The following PTPRG variants were observed in gnomAD, a reference collection of about 807,000 sequenced individuals.
The protein encoded by PTPRG is protein tyrosine phosphatase receptor type G, also known as receptor-type tyrosine-protein phosphatase gamma.
Under a neutral mutation model 165.3 loss-of-function variants are expected in PTPRG, and 102 were observed. The observed-to-expected ratio is 0.62, with a 90% CI of 0.53 to 0.73. PTPRG has a LOEUF of 0.73. Ranked by LOEUF, PTPRG falls within the 30% of genes least tolerant of loss-of-function variation. PTPRG has a pLI of 0.00. For synonymous variants in PTPRG, 675 were observed against 669.5 expected, an observed-to-expected ratio of 1.01 and a Z score of -0.13; for missense variants, 1,866 against 1,861.4, an observed-to-expected ratio of 1.00 and a Z score of -0.05.
At chr3:62,149,210 A>G (rs1559568342) in intron 6 of PTPRG, among the ~76,000 whole-genome samples, 2 of 150,906 alleles carry the variant, frequency 1.3e-5, no homozygotes, top group Non-Finnish European at 2.9e-5. Flanking sequence ...GAGAGCAAGT[A>G]TTTTTGTTTG....
At chr3:61,860,768 A>G (rs1263572123) in intron 2 of PTPRG, among the ~76,000 whole-genome samples, 4 of 152,132 alleles carry the variant, frequency 2.6e-5, no homozygotes, top group Non-Finnish European at 5.9e-5. Flanking sequence ...AAAGCTTTTC[A>G]GGTAACTGTT....
chr3:61,972,568 G>A (rs1363955001), intron 2 of PTPRG, among the ~76,000 whole-genome samples: 2 of 151,936 alleles, frequency 1.3e-5, no homozygotes, highest in African/African-American at 2.4e-5. Flanking sequence ...GGGACCCTGA[G>A]TGTTAGTAGT....
chr3:61,997,405 C>G (rs576148030), intron 3 of PTPRG, among the ~76,000 whole-genome samples: 4 of 152,330 alleles, frequency 2.6e-5, no homozygotes, highest in Admixed American at 2.6e-4. Flanking sequence ...CTGTCCGTGC[C>G]TCATGCTCTG....
chr3:61,882,732 C>T lies in PTPRG; in HGVS notation c.191-106893C>T, dbSNP rs114906759. Among the ~76,000 whole-genome samples the T allele has an allele frequency of 8.5e-3, 1,296 of 152,250 alleles. 16 individuals are homozygous for T. The highest frequency in any genetic ancestry group is 0.029 in the African/African-American group (1,205 of 41,550). Reference sequence around the variant, plus strand: ...TGCTTGTTCACCTGTCTGTCTTTCCCATTGGATTGAGTAGTCCAGAGTACA... The same window carrying T: ...TGCTTGTTCACCTGTCTGTCTTTCCTATTGGATTGAGTAGTCCAGAGTACA... On this transcript the variant is annotated intron_variant, in intron 2 of 29. Transcript: ENST00000474889.
chr3:61,966,283 G>A (rs1313674127), intron 2 of PTPRG, among the ~76,000 whole-genome samples: 1 of 152,208 alleles, frequency 6.6e-6, no homozygotes, highest in Non-Finnish European at 1.5e-5. Flanking sequence ...TGTGTGCACA[G>A]CAGGCAACAC....
chr3:62,231,341 C>T (rs375380130), intron 14 of PTPRG, 30 bp downstream of exon 14: 17 of 1,504,848 alleles, frequency 1.1e-5, no homozygotes, highest in African/African-American at 5.7e-5. Flanking sequence ...AAGTGGGGGG[C>T]GTCTTGATGG....
intron 1 of PTPRG, among the ~76,000 whole-genome samples, chr3:61,597,576 C>T (rs1265428612): frequency 6.6e-6 from 1 of 152,166 alleles, no homozygotes; most frequent in African/African-American, 2.4e-5. Context: ...GTTAAAGGGT[C>T]TGATTTAATC....
At chr3:62,060,012 T>G (rs994493860) in intron 4 of PTPRG, among the ~76,000 whole-genome samples, 2 of 152,018 alleles carry the variant, frequency 1.3e-5, no homozygotes, top group African/African-American at 4.8e-5. Flanking sequence ...GGATATGTCT[T>G]TATTAGCAGC....
chr3:62,018,322 CT>C, intron 4 of PTPRG, among the ~76,000 whole-genome samples: 1 of 152,326 alleles, frequency 6.6e-6, no homozygotes, highest in Admixed American at 6.5e-5. Context: ...AGCTGACAGT[CT>C]GCTTTTCCAC....
intron 2 of PTPRG, among the ~76,000 whole-genome samples, chr3:61,911,381 A>G (rs572775675): frequency 2.0e-5 from 3 of 152,180 alleles, no homozygotes; most frequent in Non-Finnish European, 2.9e-5. Context: ...TTAAATGCTA[A>G]TTCCATCACT....
chr3:61,618,975 CAAAA>C (rs57427703), intron 1 of PTPRG, among the ~76,000 whole-genome samples: 2,237 of 73,022 alleles, frequency 0.031, 70 homozygotes, highest in African/African-American at 0.086. Context: ...GATCCTGTCT[CAAAA>C]AAAAAAAAAA....
rs149003961 is a variant in PTPRG, at chr3:61,581,010, C to T, written c.85+18638C>T. 2.6e-5 allele frequency among the ~76,000 whole-genome samples: 4 copies of T among 152,286 alleles called. No individual in the cohort carries two copies. In the East Asian group the frequency reaches 5.8e-4, roughly 22 times the overall value. ...TTAGTCCTAGAGCATAGCAGACATGCCTTCTTGCTTTCTGACTTTTCAAAG... is the reference window on the plus strand; with the variant it reads ...TTAGTCCTAGAGCATAGCAGACATGTCTTCTTGCTTTCTGACTTTTCAAAG... On this transcript the variant is annotated intron_variant, in intron 1 of 29. Transcript: ENST00000474889.
intron 2 of PTPRG, among the ~76,000 whole-genome samples, chr3:61,840,419 G>T (rs910691555): frequency 6.6e-6 from 1 of 152,118 alleles, no homozygotes. Flanking sequence ...TATGATTTGG[G>T]CAAATGCATC....
intron 3 of PTPRG, among the ~76,000 whole-genome samples, chr3:61,992,839 G>C (rs1341901122): frequency 6.6e-6 from 1 of 151,860 alleles, no homozygotes; most frequent in East Asian, 1.9e-4. Flanking sequence ...GCTAATTTTT[G>C]TATTTTTAGT....
intron 1 of PTPRG, among the ~76,000 whole-genome samples, chr3:61,744,829 AGG>A (rs947284377): frequency 5.6e-4 from 16 of 28,806 alleles, no homozygotes; most frequent in Non-Finnish European, 1.9e-3. Context: ...TTGGTTACTC[AGG>A]GCCATTTTCT....
Position 62,059,911 on chromosome 3 carries a change from C to A in PTPRG, c.520-18252C>A, listed in dbSNP as rs554952658. On this transcript the variant is annotated intron_variant, in intron 4 of 29. Transcript: ENST00000474889. Reference sequence around the variant, plus strand: ...TGAAGAAGGACGTGTTTGCTTCCCCCTCCACCATGATTGTAAGTTTCCTGA... The same window carrying A: ...TGAAGAAGGACGTGTTTGCTTCCCCATCCACCATGATTGTAAGTTTCCTGA... Among the ~76,000 whole-genome samples the A allele has an allele frequency of 2.0e-5, 3 of 152,284 alleles. No individual in the cohort carries two copies. In the South Asian group the frequency reaches 6.2e-4, roughly 32 times the overall value.
chr3:61,591,169 G>A (rs979774117), intron 1 of PTPRG, among the ~76,000 whole-genome samples: 2 of 152,200 alleles, frequency 1.3e-5, no homozygotes, highest in Admixed American at 1.3e-4. Flanking sequence ...GTCTTTATAT[G>A]TACCTCCTTG....
At position 62,214,710 on chromosome 3, in the gene PTPRG, T is replaced by C. The variant is rs1700455935; in HGVS notation, c.2156-4141T>C. Among the ~76,000 whole-genome samples, 1 of 152,240 alleles carries C rather than the reference T, an allele frequency of 6.6e-6. No homozygotes were observed. The highest frequency in any genetic ancestry group is 1.5e-5 in the Non-Finnish European group (1 of 68,038). On this transcript the variant is annotated intron_variant, in intron 12 of 29. Transcript: ENST00000474889. The surrounding 1 kb of genome is among the most constrained non-coding windows in gnomAD (Gnocchi z 5.2). ...ATTTGCTTGATGCCAGGCACACTTC[T>C]AGGTGCTTACATGCACCTTCTCATT...
intron 2 of PTPRG, among the ~76,000 whole-genome samples, chr3:61,795,129 AGAT>A: frequency 6.6e-6 from 1 of 152,298 alleles, no homozygotes; most frequent in East Asian, 1.9e-4. Context: ...CCCATTTTAC[AGAT>A]GAGGGAACTG....
Sources: allele counts gnomAD v4.1 joint callset (sites outside exome capture counted in the v4.1 genomes callset), GRCh38; gene constraint gnomAD v4.1.1; non-coding constraint Gnocchi (gnomAD v3.1); transcripts MANE v1.5; gene names NCBI Gene and HGNC (gene_info 2026-07-23, HGNC 2026-07-21).